Variants in ATF7IP2 observed in about 807,000 individuals in gnomAD.
ATF7IP2 encodes the protein activating transcription factor 7 interacting protein 2.
Under a neutral mutation model 64.2 loss-of-function variants are expected in ATF7IP2, and 42 were observed. The observed-to-expected ratio is 0.65, with a 90% CI of 0.51 to 0.85. The LOEUF is 0.85. Ranked by LOEUF, ATF7IP2 falls within the 40% of genes least tolerant of loss-of-function variation. ATF7IP2 has a pLI of 0.00. For missense variants in ATF7IP2, 933 were observed against 784.2 expected, an observed-to-expected ratio of 1.19 and a Z score of -2.27; for synonymous variants, 308 against 272.8, an observed-to-expected ratio of 1.13 and a Z score of -1.27.
At chr16:10,451,273 G>C (rs1481711839) in intron 8 of ATF7IP2, among the ~76,000 whole-genome samples, 1 of 152,124 alleles carries the variant, frequency 6.6e-6, no homozygotes, top group Non-Finnish European at 1.5e-5. Flanking sequence ...CAACCTTGGT[G>C]AATCTGACGA....
intron 8 of ATF7IP2, among the ~76,000 whole-genome samples, chr16:10,451,319 C>G (rs2048977087): frequency 6.6e-6 from 1 of 152,142 alleles, no homozygotes; most frequent in African/African-American, 2.4e-5. Context: ...CCAGGAGTAT[C>G]TTTGTGGTGG....
chr16:10,412,010 G>GTTTTTTTTTTTT (rs71133351), intron 1 of ATF7IP2, among the ~76,000 whole-genome samples: 3 of 58,390 alleles, frequency 5.1e-5, no homozygotes, highest in Non-Finnish European at 9.9e-5. Context: ...ATCTTTTTTT[G>GTTTTTTTTTTTT]TTTTTTTTTT....
At chr16:10,453,056 G>T (rs970947999) in intron 8 of ATF7IP2, among the ~76,000 whole-genome samples, 1 of 152,148 alleles carries the variant, frequency 6.6e-6, no homozygotes, top group Non-Finnish European at 1.5e-5. Flanking sequence ...AGAACACTTG[G>T]CTCCCTGGCT....
At chr16:10,472,811 G>A (rs1014693811) in intron 10 of ATF7IP2, among the ~76,000 whole-genome samples, 7 of 148,616 alleles carry the variant, frequency 4.7e-5, no homozygotes, top group Non-Finnish European at 7.4e-5. Context: ...AGCTGAGATC[G>A]TGCTACTGCA....
At chr16:10,409,006 G>T (rs1386742342) in intron 1 of ATF7IP2, among the ~76,000 whole-genome samples, 3 of 152,224 alleles carry the variant, frequency 2.0e-5, no homozygotes, top group African/African-American at 7.2e-5. Context: ...ATTTACTTCT[G>T]CAGAAGGGTG....
chr16:10,414,007 G>A (rs575335527), intron 1 of ATF7IP2, among the ~76,000 whole-genome samples: 4 of 152,266 alleles, frequency 2.6e-5, no homozygotes, highest in African/African-American at 4.8e-5. Flanking sequence ...CCTTGTAGCT[G>A]ATAAGATTCT....
intron 9 of ATF7IP2, among the ~76,000 whole-genome samples, chr16:10,461,065 C>T (rs547631480): frequency 1.3e-5 from 2 of 151,900 alleles, no homozygotes; most frequent in Non-Finnish European, 2.9e-5. Context: ...AAGAGGAGTT[C>T]GAAATGGCCA....
chr16:10,462,421 C>T (rs1044380865), intron 9 of ATF7IP2, among the ~76,000 whole-genome samples: 11 of 151,860 alleles, frequency 7.2e-5, no homozygotes, highest in Admixed American at 1.3e-4. Flanking sequence ...AGTTTTTATC[C>T]GGAAATGACT....
intron 5 of ATF7IP2, among the ~76,000 whole-genome samples, chr16:10,432,912 C>T (rs552431546): frequency 6.6e-6 from 1 of 151,952 alleles, no homozygotes; most frequent in Non-Finnish European, 1.5e-5. Flanking sequence ...TATAAAATAA[C>T]GTAGAACCAC....
Position 10,440,070 on chromosome 16 carries a change from G to C in ATF7IP2, c.1096-294G>C, listed in dbSNP as rs1021916860. Among the ~76,000 whole-genome samples, 17 of 152,026 alleles carry C rather than the reference G, an allele frequency of 1.1e-4. 1 individual carries two copies. Among genetic ancestry groups the C allele is most frequent in the South Asian group, 8.3e-4 (4 of 4,818 alleles). ...AGCTACTTGGGAGGCTGAGGCAGGAGAATCGCTTGAACCCGGGAGGCAGAG... is the reference window on the plus strand; with the variant it reads ...AGCTACTTGGGAGGCTGAGGCAGGACAATCGCTTGAACCCGGGAGGCAGAG... On this transcript the variant is annotated intron_variant, in intron 7 of 13. Transcript: ENST00000562102.
chr16:10,478,978 A>G (rs1203880422), intron 12 of ATF7IP2, among the ~76,000 whole-genome samples: 2 of 151,580 alleles, frequency 1.3e-5, no homozygotes, highest in South Asian at 2.1e-4. Flanking sequence ...TTAGAATGGC[A>G]ATCATTAAAA....
At chr16:10,425,437 TTAA>T (rs2048066408) in intron 3 of ATF7IP2, among the ~76,000 whole-genome samples, 1 of 151,600 alleles carries the variant, frequency 6.6e-6, no homozygotes, top group African/African-American at 2.4e-5. Context: ...AAAAAAAAAA[TTAA>T]TGACACCTTA....
chr16:10,432,423 A>G (rs1160680627), intron 5 of ATF7IP2, among the ~76,000 whole-genome samples: 1 of 152,192 alleles, frequency 6.6e-6, no homozygotes, highest in African/African-American at 2.4e-5. Context: ...CCTTAAAAAT[A>G]ATAACAGTAT....
chr16:10,405,064 A>G (rs1009814199), intron 1 of ATF7IP2, among the ~76,000 whole-genome samples: 30 of 152,238 alleles, frequency 2.0e-4, no homozygotes, highest in Admixed American at 1.7e-3. Context: ...AAACATCTTA[A>G]TGAAAGGTCA....
chr16:10,450,091 A>G lies in ATF7IP2; in HGVS notation c.1195-7281A>G, dbSNP rs183266384. Among the ~76,000 whole-genome samples the G allele has an allele frequency of 1.6e-3, 241 of 152,306 alleles. 1 individual carries two copies. Among genetic ancestry groups the G allele is most frequent in the African/African-American group, 5.4e-3 (223 of 41,562 alleles). ...TTTGTTATTTATCCATTAGTCATTC[A>G]GGAGCAGGTTGTTCAGTTTCCATGT... On this transcript the variant is annotated intron_variant, in intron 8 of 13. Transcript: ENST00000562102.
chr16:10,427,797 T>G (rs1156377584), intron 3 of ATF7IP2, among the ~76,000 whole-genome samples: 2 of 149,616 alleles, frequency 1.3e-5, no homozygotes, highest in African/African-American at 4.9e-5. Flanking sequence ...AGGCTGAAGC[T>G]GCCATGAGCC....
intron 12 of ATF7IP2, 104 bp downstream of exon 12, chr16:10,474,093 C>A: frequency 1.4e-6 from 1 of 735,914 alleles, no homozygotes; most frequent in Non-Finnish European, 2.3e-6. Context: ...TGTGAGTGTG[C>A]CTATGTTTAT....
intron 1 of ATF7IP2, among the ~76,000 whole-genome samples, chr16:10,395,448 A>G (rs1366894919): frequency 6.6e-6 from 1 of 152,198 alleles, no homozygotes; most frequent in Non-Finnish European, 1.5e-5. Flanking sequence ...CTGTAAGGCT[A>G]GTATTATTTG....
rs766443571 is a variant in ATF7IP2, at chr16:10,430,897, C to G, written c.277C>G (p.Gln93Glu). 4.3e-6 allele frequency: 7 copies of G among 1,613,834 alleles called. No homozygotes were observed. The South Asian group carries it at 7.7e-5, about 18-fold the overall frequency. Residue 93 changes from glutamine to glutamate, a missense_variant, in exon 5 of 14, where the codon CAG (glutamine) becomes GAG (glutamate). Gln to Glu is a conservative substitution (Grantham distance 29, BLOSUM62 2). Transcript: ENST00000562102. ...SISEKSKVFS[Q>E]NCIKPVEEIV... ...ATCAGAGAAAAGTAAAGTATTCTCT[C>G]AGAATTGCATAAAACCAGTAGAAGA...
Sources: gnomAD v4.1 joint callset for allele counts (sites outside exome capture counted in the v4.1 genomes callset) on GRCh38, gnomAD v4.1.1 for gene constraint, MANE v1.5 for transcripts, NCBI Gene and HGNC (gene_info 2026-07-23, HGNC 2026-07-21) for gene names.